The following SLC4A4 variants were observed in gnomAD, a reference collection of about 807,000 sequenced individuals.
SLC4A4 encodes the protein solute carrier family 4 member 4, also known as electrogenic sodium bicarbonate cotransporter 1.
A neutral mutation model predicts 111.5 loss-of-function variants in SLC4A4; 27 were observed. That is an observed-to-expected ratio of 0.24 (90% CI 0.18 to 0.33). The LOEUF (loss-of-function observed/expected upper bound fraction) is 0.33, where lower values mean the gene tolerates loss of function less well. Among genes scored for constraint, SLC4A4 ranks in the 10% least tolerant of loss-of-function variants. The probability of loss-of-function intolerance (pLI) is 1.00; values close to 1 mark genes in which losing one functional copy is unlikely to be tolerated. For missense variants in SLC4A4, 909 were observed against 1,315.5 expected, an observed-to-expected ratio of 0.69 and a Z score of 4.78; for synonymous variants, 443 against 463.4, an observed-to-expected ratio of 0.96 and a Z score of 0.57.
intron 1 of SLC4A4, among the ~76,000 whole-genome samples, chr4:71,215,504 G>A (rs900496258): frequency 1.3e-5 from 2 of 152,120 alleles, no homozygotes; most frequent in Non-Finnish European, 1.5e-5. Flanking sequence ...CATCCACCTC[G>A]TTCCTTTCCC....
At chr4:71,560,989 C>T (rs1379782279) in intron 23 of SLC4A4, among the ~76,000 whole-genome samples, 1 of 151,696 alleles carries the variant, frequency 6.6e-6, no homozygotes, top group Non-Finnish European at 1.5e-5. Flanking sequence ...AGGAGGAAAA[C>T]TGGGATTTGT....
In SLC4A4 at chr4:71,412,959, G is replaced by C. The variant is rs559535343; in HGVS notation, c.807+15306G>C. ...TTGACCTTAGAACAAAGGAGTGAAG[G>C]GATCTCAGGTCAATATGTCAGTTAA... On this transcript the variant is annotated intron_variant, in intron 7 of 25. Transcript: ENST00000264485. 2.6e-5 allele frequency among the ~76,000 whole-genome samples: 4 copies of C among 152,208 alleles called. No homozygotes were observed. In the South Asian group the frequency reaches 6.2e-4, roughly 24 times the overall value.
At chr4:71,247,521 A>G (rs1720764939) in intron 2 of SLC4A4, among the ~76,000 whole-genome samples, 1 of 152,102 alleles carries the variant, frequency 6.6e-6, no homozygotes, top group South Asian at 2.1e-4. Context: ...AGAGATGGAC[A>G]ATGTGGTTGG....
At chr4:71,565,123 G>A (rs1331104165) in intron 24 of SLC4A4, among the ~76,000 whole-genome samples, 2 of 151,832 alleles carry the variant, frequency 1.3e-5, no homozygotes, top group Non-Finnish European at 2.9e-5. Context: ...AAAATTTTTG[G>A]GAGTTTAAAT....
At chr4:71,158,418 A>G (rs1023908597) in intron 2 of SLC4A4, among the ~76,000 whole-genome samples, 4 of 152,068 alleles carry the variant, frequency 2.6e-5, no homozygotes, top group Non-Finnish European at 5.9e-5. Context: ...CTCTGCTCCC[A>G]CTTACCCAAA....
At chr4:71,404,417 A>G (rs574061837) in intron 7 of SLC4A4, among the ~76,000 whole-genome samples, 1 of 152,370 alleles carries the variant, frequency 6.6e-6, no homozygotes, top group Non-Finnish European at 1.5e-5. Flanking sequence ...CTCCGATTGC[A>G]CTGCATCCCT....
At chr4:71,486,495 C>T (rs1346451707) in intron 14 of SLC4A4, among the ~76,000 whole-genome samples, 2 of 151,438 alleles carry the variant, frequency 1.3e-5, no homozygotes, top group Non-Finnish European at 3.0e-5. Context: ...CTTTCTCATA[C>T]ACTGTTGAAA....
chr4:71,409,730 C>T (rs181064058), intron 7 of SLC4A4, among the ~76,000 whole-genome samples: 2 of 152,330 alleles, frequency 1.3e-5, no homozygotes, highest in Non-Finnish European at 2.9e-5. Flanking sequence ...TAATGTTATT[C>T]CCCAAGACCA....
intron 3 of SLC4A4, among the ~76,000 whole-genome samples, chr4:71,305,879 T>G (rs2148847019): frequency 6.6e-6 from 1 of 152,336 alleles, no homozygotes; most frequent in South Asian, 2.1e-4. Flanking sequence ...TATTACAGTG[T>G]TCAGAGCCAG....
chr4:71,522,557 G>A (rs1033249764), intron 16 of SLC4A4, among the ~76,000 whole-genome samples: 1 of 152,176 alleles, frequency 6.6e-6, no homozygotes, highest in African/African-American at 2.4e-5. Flanking sequence ...TCACAGAACC[G>A]CATGAATTAG....
chr4:71,415,301 A>G (rs1721735817), intron 7 of SLC4A4, among the ~76,000 whole-genome samples: 1 of 152,174 alleles, frequency 6.6e-6, no homozygotes, highest in African/African-American at 2.4e-5. Flanking sequence ...ATTTTACTTT[A>G]TTCCCTTGGG....
intron 2 of SLC4A4, among the ~76,000 whole-genome samples, 172 bp from the exon 3 acceptor site, chr4:71,255,048 T>C (rs1721341307): frequency 6.6e-6 from 1 of 152,196 alleles, no homozygotes; most frequent in Non-Finnish European, 1.5e-5. Context: ...GCTTGAATTA[T>C]ACTGAAGCTA....
chr4:71,266,972 G>A (rs1010135762), intron 3 of SLC4A4, among the ~76,000 whole-genome samples: 2 of 152,180 alleles, frequency 1.3e-5, no homozygotes, highest in African/African-American at 2.4e-5. Flanking sequence ...TTAAGAGAAT[G>A]TGGTAATTAC....
chr4:71,281,289 T>G (rs1183868277), intron 3 of SLC4A4, among the ~76,000 whole-genome samples: 1 of 152,162 alleles, frequency 6.6e-6, no homozygotes, highest in Non-Finnish European at 1.5e-5. Flanking sequence ...GGGGTCTGAG[T>G]CCAACTTTGT....
chr4:71,178,628 C>T lies in SLC4A4; in HGVS notation c.-1-57948C>T, dbSNP rs190377129. Among the ~76,000 whole-genome samples the T allele has an allele frequency of 1.9e-3, 288 of 152,128 alleles. 1 individual carries two copies. The highest frequency in any genetic ancestry group is 3.9e-3 in the Admixed American group (59 of 15,282). On this transcript the variant is annotated intron_variant, in intron 2 of 26. Coordinates refer to the SLC4A4 transcript ENST00000649996. ...AGAAGAAATGGATACATTCCTCAAC[C>T]CATACACCCTCCCAAGACTAAACCA...
intron 1 of SLC4A4, among the ~76,000 whole-genome samples, chr4:71,197,230 A>T (rs1746051024): frequency 6.6e-6 from 1 of 152,098 alleles, no homozygotes; most frequent in Non-Finnish European, 1.5e-5. Flanking sequence ...AACAAAAACA[A>T]AACTGTATTT....
chr4:71,389,378 T>C (rs1356059505), intron 6 of SLC4A4, among the ~76,000 whole-genome samples: 1 of 152,240 alleles, frequency 6.6e-6, no homozygotes, highest in Non-Finnish European at 1.5e-5. Context: ...AAGACAATCA[T>C]ATGCTTCGAC....
chr4:71,448,917 A>G (rs1725508173), intron 9 of SLC4A4, among the ~76,000 whole-genome samples: 1 of 152,116 alleles, frequency 6.6e-6, no homozygotes, highest in African/African-American at 2.4e-5. Context: ...TTTTCCCTTC[A>G]AGGGAACATT....
At chr4:71,406,422 C>T (rs1298095396) in intron 7 of SLC4A4, among the ~76,000 whole-genome samples, 13 of 151,894 alleles carry the variant, frequency 8.6e-5, no homozygotes, top group Admixed American at 7.9e-4. Flanking sequence ...GAAGAGGTCA[C>T]ACCATGGGAG....
Sources: allele counts gnomAD v4.1 joint callset (sites outside exome capture counted in the v4.1 genomes callset), GRCh38; gene constraint gnomAD v4.1.1; transcripts MANE v1.5; gene names NCBI Gene and HGNC (gene_info 2026-07-23, HGNC 2026-07-21).